KIAA0319: variants seen among roughly 807,000 people sequenced by gnomAD.
KIAA0319 encodes KIAA0319.
In KIAA0319, 83 loss-of-function variants were observed where a neutral mutation model predicts 108.4. The observed-to-expected ratio is 0.77, with a 90% CI of 0.64 to 0.92. KIAA0319 has a LOEUF of 0.92. Among genes scored for constraint, KIAA0319 ranks in the 40% least tolerant of loss-of-function variants. The pLI is 0.00. For synonymous variants in KIAA0319, 484 were observed against 510.4 expected (o/e 0.95, Z 0.70); for missense variants, 1,195 against 1,322.4 (o/e 0.90, Z 1.49).
intron 1 of KIAA0319, among the ~76,000 whole-genome samples, chr6:24,625,622 G>A (rs779779136): frequency 5.9e-5 from 9 of 152,140 alleles, no homozygotes; most frequent in Non-Finnish European, 1.2e-4. Context: ...GATTGGAAAG[G>A]AATGTGTAAA....
At chr6:24,644,642 ACT>A (rs1391587569) in intron 1 of KIAA0319, among the ~76,000 whole-genome samples, 1 of 151,924 alleles carries the variant, frequency 6.6e-6, no homozygotes, top group Non-Finnish European at 1.5e-5. Context: ...TTTAACAGCA[ACT>A]CTATTCTTTT....
At chr6:24,626,117 A>G (rs1774676548) in intron 1 of KIAA0319, among the ~76,000 whole-genome samples, 1 of 152,234 alleles carries the variant, frequency 6.6e-6, no homozygotes, top group Admixed American at 6.5e-5. Flanking sequence ...GTACCATTCT[A>G]TTTACATGAA....
At chr6:24,623,799 A>C (rs1774295606) in intron 1 of KIAA0319, among the ~76,000 whole-genome samples, 1 of 152,172 alleles carries the variant, frequency 6.6e-6, no homozygotes, top group Non-Finnish European at 1.5e-5. Flanking sequence ...TCCCAACATA[A>C]AGAAATGATA....
Position 24,572,822 on chromosome 6 carries a change from A to T in KIAA0319, c.1735-124T>A, listed in dbSNP as rs1050560134. The T allele has an allele frequency of 2.9e-6, 3 of 1,034,920 alleles. No homozygotes were observed. The African/African-American group carries it at 5.0e-5, about 17-fold the overall frequency. 64.1% of individuals were successfully genotyped at this position (1,034,920 alleles called of 1,614,324 possible). On this transcript the variant is annotated intron_variant, in intron 10 of 20. Transcript: ENST00000378214. ...TTAATACAGAGATCTTGCTCAAAAA[A>T]GAAATGTGTTTGGCCAGGCACGGTG... is the stretch of plus-strand genomic sequence containing the variant.
chr6:24,552,524 T>C (rs1370783768), intron 19 of KIAA0319, among the ~76,000 whole-genome samples: 4 of 152,228 alleles, frequency 2.6e-5, no homozygotes, highest in African/African-American at 9.6e-5. Context: ...CCTGGCTCCC[T>C]TTCACCAGTC....
intron 16 of KIAA0319, among the ~76,000 whole-genome samples, chr6:24,561,455 T>C (rs1763083543): frequency 6.6e-6 from 1 of 152,252 alleles, no homozygotes. Flanking sequence ...AAGTGAGTTT[T>C]TGTAATTTAT....
chr6:24,643,011 C>A (rs776477016), intron 1 of KIAA0319, among the ~76,000 whole-genome samples: 36 of 152,140 alleles, frequency 2.4e-4, no homozygotes, highest in Non-Finnish European at 5.0e-4. Context: ...TTCCCAGCCT[C>A]CTTTGCTTTT....
At chr6:24,584,596 CT>C (rs1040576937) in intron 4 of KIAA0319, among the ~76,000 whole-genome samples, 3 of 152,088 alleles carry the variant, frequency 2.0e-5, no homozygotes, top group Non-Finnish European at 4.4e-5. Flanking sequence ...GCTGGCTCCT[CT>C]CTTGTCATTT....
chr6:24,553,294 T>TATATATATATATATATATATAC (rs1554142428), intron 19 of KIAA0319, among the ~76,000 whole-genome samples: 2 of 91,070 alleles, frequency 2.2e-5, no homozygotes, highest in Non-Finnish European at 4.1e-5. Context: ...TATATATATA[T>TATATATATATATATATATATAC]ACACACACAC....
intron 5 of KIAA0319, chr6:24,583,335 A>G (rs1766919642): frequency 2.3e-5 from 17 of 727,156 alleles, no homozygotes; most frequent in South Asian, 3.4e-5. Context: ...GCCTCTCCTG[A>G]TCTGCTTTGC....
chr6:24,578,046 TAATTTAAAGAAACAGTC>T, intron 9 of KIAA0319, 47 bp downstream of exon 9: 4 of 1,507,632 alleles, frequency 2.7e-6, no homozygotes, highest in Non-Finnish European at 3.6e-6. Flanking sequence ...TTATGTGCGT[TAATTTAAAGAAACAGTC>T]AAAATGTAAG....
At chr6:24,612,935 A>G (rs1772573477) in intron 1 of KIAA0319, among the ~76,000 whole-genome samples, 1 of 152,130 alleles carries the variant, frequency 6.6e-6, no homozygotes, top group Admixed American at 6.5e-5. Context: ...AGTAGCTGGG[A>G]CTACAGGCGC....
intron 20 of KIAA0319, among the ~76,000 whole-genome samples, chr6:24,550,503 C>G (rs570153634): frequency 7.2e-5 from 11 of 152,150 alleles, no homozygotes; most frequent in African/African-American, 2.7e-4. Flanking sequence ...AGTTAATAAA[C>G]GAGAATGAAA....
At chr6:24,638,735 G>A (rs1234338403) in intron 1 of KIAA0319, among the ~76,000 whole-genome samples, 1 of 148,986 alleles carries the variant, frequency 6.7e-6, no homozygotes, top group Non-Finnish European at 1.5e-5. Context: ...ACTCCAGCCT[G>A]GGCAACAGTG....
chr6:24,637,949 T>C (rs973305087), intron 1 of KIAA0319, among the ~76,000 whole-genome samples: 1 of 152,086 alleles, frequency 6.6e-6, no homozygotes, highest in Non-Finnish European at 1.5e-5. Flanking sequence ...GAGCCCTAGG[T>C]AGAAGCATTG....
chr6:24,634,595 G>A (rs542674750), intron 1 of KIAA0319, among the ~76,000 whole-genome samples: 5 of 152,236 alleles, frequency 3.3e-5, no homozygotes, highest in South Asian at 2.1e-4. Context: ...TTCTGACACC[G>A]TGTTAGTCCC....
intron 1 of KIAA0319, among the ~76,000 whole-genome samples, chr6:24,613,001 A>G (rs1382520934): frequency 1.3e-5 from 2 of 152,088 alleles, no homozygotes; most frequent in African/African-American, 4.8e-5. Context: ...GGGTTTCACC[A>G]CGTTAGCCAG....
chr6:24,642,942 AG>A (rs1174305279), intron 1 of KIAA0319, among the ~76,000 whole-genome samples: 9 of 152,188 alleles, frequency 5.9e-5, no homozygotes, highest in African/African-American at 1.9e-4. Context: ...TCCTGACCTC[AG>A]GTGATCCGTC....
Position 24,550,206 on chromosome 6 carries a change from T to C in KIAA0319, c.3040+1228A>G, listed in dbSNP as rs16889456. On this transcript the variant is annotated intron_variant, in intron 20 of 20. Coordinates refer to ENST00000378214, the MANE Select transcript of KIAA0319 (RefSeq NM_014809.4). ...CTACCCGGCATCGTCCATGCACTGA[T>C]AGAACTCCTTGCACTCCAGTATAAT... 8.2e-3 allele frequency among the ~76,000 whole-genome samples: 1,244 copies of C among 152,286 alleles called. 14 individuals are homozygous for C. The highest frequency in any genetic ancestry group is 0.028 in the African/African-American group (1,150 of 41,552).
Sources: gnomAD v4.1 joint callset for allele counts (sites outside exome capture counted in the v4.1 genomes callset) on GRCh38, gnomAD v4.1.1 for gene constraint, MANE v1.5 for transcripts, NCBI Gene and HGNC (gene_info 2026-07-23, HGNC 2026-07-21) for gene names.